The following PPP1R16B variants were observed in gnomAD, a reference collection of about 807,000 sequenced individuals.
PPP1R16B encodes the protein protein phosphatase 1 regulatory inhibitor subunit 16B.
In PPP1R16B, 14 loss-of-function variants were observed where a neutral mutation model predicts 61.7. The observed-to-expected ratio is 0.23, with a 90% CI of 0.15 to 0.35. The LOEUF (loss-of-function observed/expected upper bound fraction) is 0.35. Ranked by LOEUF, PPP1R16B falls within the 10% of genes least tolerant of loss-of-function variation. The pLI is 1.00. For missense variants in PPP1R16B, 547 were observed against 752.5 expected (o/e 0.73, Z 3.19); for synonymous variants, 266 against 305.3 (o/e 0.87, Z 1.34).
In PPP1R16B at chr20:38,863,155, C is replaced by T. The variant is rs1209638418; in HGVS notation, c.251-26440C>T. Among the ~76,000 whole-genome samples, 31 of 152,146 alleles carry T rather than the reference C, an allele frequency of 2.0e-4. 1 individual carries two copies. Among genetic ancestry groups the T allele is most frequent in the Admixed American group, 2.0e-3 (31 of 15,278 alleles). On this transcript the variant is annotated intron_variant, in intron 2 of 10. Coordinates refer to ENST00000299824, the MANE Select transcript of PPP1R16B (RefSeq NM_015568.4). ...CACCACCCAGGAGTCAGCCTGCCTCCCTGGATGCAAGTTGCCTCTGGTGCT... is the reference window on the plus strand; with the variant it reads ...CACCACCCAGGAGTCAGCCTGCCTCTCTGGATGCAAGTTGCCTCTGGTGCT...
At chr20:38,848,404 C>G (rs1169349075) in intron 2 of PPP1R16B, among the ~76,000 whole-genome samples, 1 of 152,200 alleles carries the variant, frequency 6.6e-6, no homozygotes, top group Non-Finnish European at 1.5e-5. Context: ...ACTCTAGAGC[C>G]TCATCTGTAA....
chr20:38,863,021 C>T (rs1162862569), intron 2 of PPP1R16B, among the ~76,000 whole-genome samples: 1 of 152,136 alleles, frequency 6.6e-6, no homozygotes, highest in Non-Finnish European at 1.5e-5. Context: ...TACTTAGTTC[C>T]CTGGTGCTTG....
rs1338631957 is a variant in PPP1R16B, at chr20:38,806,296, G to A, written c.-102+504G>A. Among the ~76,000 whole-genome samples, 3 of 152,094 alleles carry A rather than the reference G, an allele frequency of 2.0e-5. No homozygotes were observed. Among genetic ancestry groups the A allele is most frequent in the Non-Finnish European group, 4.4e-5 (3 of 67,968 alleles). ...GGCGGGCAGCGGCAGGGCGCAGAGA[G>A]CGCTCCTGCCCGGGCGGGAAAGATC... On this transcript the variant is annotated intron_variant, in intron 1 of 10. Coordinates refer to ENST00000299824, the MANE Select transcript of PPP1R16B (RefSeq NM_015568.4). The surrounding 1 kb of genome is among the most constrained non-coding windows in gnomAD (Gnocchi z 4.5).
In PPP1R16B at chr20:38,867,136, C is replaced by A. The variant is rs577511849; in HGVS notation, c.251-22459C>A. On this transcript the variant is annotated intron_variant, in intron 2 of 10. Transcript: ENST00000299824. ...TACATTGTGTGGATAGACCCCCTGT[C>A]CCCCGCCAACCACACACACCCAGGC... is the stretch of plus-strand genomic sequence containing the variant. 3.9e-5 allele frequency among the ~76,000 whole-genome samples: 6 copies of A among 152,294 alleles called. No homozygotes were observed. In the East Asian group the frequency reaches 1.2e-3, roughly 29 times the overall value.
Position 38,895,655 on chromosome 20 carries a change from C to G in PPP1R16B, c.412C>G (p.Leu138Val), listed in dbSNP as rs1316786416. ...CAAGGACAACGAGCTGTGGACACCT[C>G]TCCATGCTGCAGCCACCTGCGGCCA... Reference protein sequence around the residue: ...NAKDNELWTPLHAAATCGHIN... With the variant: ...NAKDNELWTPVHAAATCGHIN... The change falls in exon 4 of 11, where the codon CTC becomes GTC. Residue 138 changes from leucine to valine, a missense_variant. By Grantham distance (32) the Leu-to-Val change is conservative (BLOSUM62 1). Coordinates refer to ENST00000299824, the MANE Select transcript of PPP1R16B (RefSeq NM_015568.4). 6.2e-7 allele frequency: 1 copy of G among 1,614,182 alleles called. No individual in the cohort carries two copies.
chr20:38,827,118 T>A (rs2084809800), intron 1 of PPP1R16B, among the ~76,000 whole-genome samples: 1 of 151,928 alleles, frequency 6.6e-6, no homozygotes, highest in East Asian at 1.9e-4. Flanking sequence ...CCTGGCTAAT[T>A]TTAATTTATT....
At chr20:38,868,207 C>T (rs1415506847) in intron 2 of PPP1R16B, among the ~76,000 whole-genome samples, 2 of 152,222 alleles carry the variant, frequency 1.3e-5, no homozygotes, top group African/African-American at 4.8e-5. Context: ...ACGCCGGGCA[C>T]AGTCCCTCTG....
intron 1 of PPP1R16B, among the ~76,000 whole-genome samples, chr20:38,812,266 T>C (rs1283302637): frequency 6.6e-6 from 1 of 152,170 alleles, no homozygotes; most frequent in African/African-American, 2.4e-5. Flanking sequence ...ATCTGGAAAG[T>C]AGGCTGGGGC....
In PPP1R16B at chr20:38,919,332, C is replaced by G. The variant is rs2085572077; in HGVS notation, c.*666C>G. On this transcript the variant is annotated 3_prime_UTR_variant, in exon 11 of 11. Coordinates refer to ENST00000299824, the MANE Select transcript of PPP1R16B (RefSeq NM_015568.4). ...GAGATAGACACAGACCTGCTCCCCG[C>G]AGCCTTGTTGAGAGCCACACTTCTG... is the stretch of plus-strand genomic sequence containing the variant. 6.6e-6 allele frequency: 1 copy of G among 152,408 alleles called. No individual in the cohort carries two copies. The highest frequency in any genetic ancestry group is 2.4e-5 in the African/African-American group (1 of 41,438). The allele number at this position is 152,408 out of a possible 1,614,324, so 9.4% of individuals were successfully genotyped here.
At chr20:38,861,569 T>TGGGA (rs2085050742) in intron 2 of PPP1R16B, among the ~76,000 whole-genome samples, 1 of 152,072 alleles carries the variant, frequency 6.6e-6, no homozygotes, top group Non-Finnish European at 1.5e-5. Flanking sequence ...GTTTTCACCC[T>TGGGA]GGGATGGGAC....
intron 1 of PPP1R16B, among the ~76,000 whole-genome samples, chr20:38,824,253 A>ATGCCCTCC (rs2084790325): frequency 6.6e-6 from 1 of 152,154 alleles, no homozygotes; most frequent in Non-Finnish European, 1.5e-5. Flanking sequence ...TATCTAGTTT[A>ATGCCCTCC]TAGGTTCTGC....
rs574221882 is a variant in PPP1R16B, at chr20:38,916,861, ATT to A, written c.1195-1293_1195-1292del. Reference sequence around the variant, plus strand: ...TGTCAGTGTGATATCCAAAAGTGATATTTTGTTGTTTTAATTTTTATAGTATT... The same window carrying A: ...TGTCAGTGTGATATCCAAAAGTGATATTGTTGTTTTAATTTTTATAGTATT... On this transcript the variant is annotated intron_variant, in intron 10 of 10. Transcript: ENST00000299824. 1.1e-3 allele frequency among the ~76,000 whole-genome samples: 161 copies of A among 151,936 alleles called. 1 individual carries two copies. Among genetic ancestry groups the A allele is most frequent in the African/African-American group, 3.7e-3 (154 of 41,552 alleles).
chr20:38,918,796 A>G lies in PPP1R16B; in HGVS notation c.*130A>G, dbSNP rs1266733333. 8.8e-7 allele frequency: 1 copy of G among 1,139,082 alleles called. No individual in the cohort carries two copies. The highest frequency in any genetic ancestry group is 1.2e-6 in the Non-Finnish European group (1 of 865,748). The allele number at this position is 1,139,082 out of a possible 1,614,324, so 70.6% of individuals were successfully genotyped here. The stretch of plus-strand genomic sequence containing the variant: ...GGCTCTGCTTTTCAGAGGAACTCAG[A>G]CCCCAGCCCTCAGCTGGCTGCCCAT... On this transcript the variant is annotated 3_prime_UTR_variant, in exon 11 of 11. Coordinates refer to ENST00000299824, the MANE Select transcript of PPP1R16B (RefSeq NM_015568.4). The surrounding 1 kb of genome is among the most constrained non-coding windows in gnomAD (Gnocchi z 5.3).
chr20:38,897,244 T>A (rs1396072966), intron 4 of PPP1R16B, among the ~76,000 whole-genome samples: 2 of 152,200 alleles, frequency 1.3e-5, no homozygotes, highest in African/African-American at 4.8e-5. Context: ...GGAGAATCGC[T>A]CGAACCCAGG....
intron 2 of PPP1R16B, among the ~76,000 whole-genome samples, chr20:38,845,581 T>G (rs2084931581): frequency 6.6e-6 from 1 of 152,130 alleles, no homozygotes; most frequent in Admixed American, 6.5e-5. Flanking sequence ...GAGGAGGTGA[T>G]TTGGGCTCAG....
intron 4 of PPP1R16B, 131 bp downstream of exon 4, chr20:38,895,841 C>G: frequency 1.1e-6 from 1 of 948,840 alleles, no homozygotes; most frequent in East Asian, 3.0e-5. Flanking sequence ...TCTCTCCTCC[C>G]TTCCTCCTTC....
intron 4 of PPP1R16B, among the ~76,000 whole-genome samples, 193 bp from the exon 5 acceptor site, chr20:38,900,388 G>C (rs974813279): frequency 5.3e-5 from 8 of 152,174 alleles, no homozygotes; most frequent in African/African-American, 1.7e-4. Context: ...TGGGACCCTG[G>C]GATCCTGAAG....
intron 2 of PPP1R16B, among the ~76,000 whole-genome samples, chr20:38,848,102 G>C (rs745461396): frequency 2.6e-5 from 4 of 152,132 alleles, no homozygotes; most frequent in East Asian, 3.9e-4. Context: ...TGGCAGAGTT[G>C]AGTTGTAACA....
At chr20:38,876,505 C>A in intron 2 of PPP1R16B, among the ~76,000 whole-genome samples, 1 of 148,136 alleles carries the variant, frequency 6.8e-6, no homozygotes. Context: ...TCATGTATTG[C>A]CAAATATTAC....
Sources: gnomAD v4.1 joint callset for allele counts (sites outside exome capture counted in the v4.1 genomes callset) on GRCh38, gnomAD v4.1.1 for gene constraint, Gnocchi (gnomAD v3.1) non-coding constraint, MANE v1.5 for transcripts, NCBI Gene and HGNC (gene_info 2026-07-23, HGNC 2026-07-21) for gene names.